Variants in QTMAN observed in about 807,000 individuals in gnomAD.
QTMAN encodes the protein tRNA-queuosine alpha-mannosyltransferase.
chr2:143,982,204 C>T, the QTMAN span, among the ~76,000 whole-genome samples: 5 of 151,768 alleles, frequency 3.3e-5, no homozygotes, highest in African/African-American at 4.8e-5. Context: ...TAGTGAGTAT[C>T]GAACAATTTC....
the QTMAN span, among the ~76,000 whole-genome samples, chr2:144,315,545 G>A: frequency 6.6e-6 from 1 of 152,144 alleles, no homozygotes; most frequent in Admixed American, 6.5e-5. Context: ...TATTTTCTCT[G>A]TCTCCTGGCA....
chr2:144,051,733 T>A, the QTMAN span, among the ~76,000 whole-genome samples: 1 of 152,112 alleles, frequency 6.6e-6, no homozygotes, highest in Non-Finnish European at 1.5e-5. Context: ...TAGAAAGCAC[T>A]GTGAGCTGAA....
the QTMAN span, among the ~76,000 whole-genome samples, chr2:144,259,176 T>C: frequency 4.6e-5 from 7 of 152,212 alleles, no homozygotes; most frequent in Non-Finnish European, 1.0e-4. Flanking sequence ...TATTTTGTTT[T>C]GAGACAGAGT....
the QTMAN span, among the ~76,000 whole-genome samples, chr2:144,066,697 T>C: frequency 6.6e-6 from 1 of 152,210 alleles, no homozygotes; most frequent in East Asian, 1.9e-4. Context: ...ATGCCTGTAA[T>C]TCCAGCTACT....
the QTMAN span, among the ~76,000 whole-genome samples, chr2:144,312,055 C>A: frequency 6.6e-6 from 1 of 152,156 alleles, no homozygotes; most frequent in Non-Finnish European, 1.5e-5. Context: ...TCTCTCAAAA[C>A]CCCAGATAAA....
At chr2:144,103,756 G>C in the QTMAN span, among the ~76,000 whole-genome samples, 1 of 152,158 alleles carries the variant, frequency 6.6e-6, no homozygotes, top group Non-Finnish European at 1.5e-5. Flanking sequence ...TTTTGTCACT[G>C]TCCAAAAATT....
At chr2:144,183,724 G>A in the QTMAN span, among the ~76,000 whole-genome samples, 2 of 151,988 alleles carry the variant, frequency 1.3e-5, no homozygotes, top group African/African-American at 4.8e-5. Context: ...ACATTACATG[G>A]CCAGATTTGT....
the QTMAN span, among the ~76,000 whole-genome samples, chr2:143,954,905 A>G: frequency 6.6e-6 from 1 of 152,182 alleles, no homozygotes; most frequent in Admixed American, 6.5e-5. Flanking sequence ...TTAACAAATC[A>G]TCTGCCAAAT....
the QTMAN span, among the ~76,000 whole-genome samples, chr2:144,103,171 C>G: frequency 6.6e-6 from 1 of 152,202 alleles, no homozygotes; most frequent in African/African-American, 2.4e-5. Flanking sequence ...CTTACTAACA[C>G]ATTTTTGATA....
chr2:144,129,086 T>A, the QTMAN span, among the ~76,000 whole-genome samples: 1 of 151,780 alleles, frequency 6.6e-6, no homozygotes, highest in Non-Finnish European at 1.5e-5. Flanking sequence ...AATATGCACT[T>A]AAGGATTCCG....
At chr2:144,279,106 A>T in the QTMAN span, among the ~76,000 whole-genome samples, 1 of 152,128 alleles carries the variant, frequency 6.6e-6, no homozygotes, top group African/African-American at 2.4e-5. Context: ...GTGGGTGAGG[A>T]TCACACCTTA....
At chr2:144,096,782 T>C in the QTMAN span, among the ~76,000 whole-genome samples, 1 of 152,146 alleles carries the variant, frequency 6.6e-6, no homozygotes, top group Non-Finnish European at 1.5e-5. Flanking sequence ...TGTCAGAGAG[T>C]GACTGCGCAT....
the QTMAN span, among the ~76,000 whole-genome samples, chr2:143,996,809 C>T: frequency 6.6e-6 from 1 of 151,948 alleles, no homozygotes; most frequent in African/African-American, 2.4e-5. Flanking sequence ...ATACACCGAA[C>T]CACTAATCAG....
At chr2:144,255,440 T>C in the QTMAN span, among the ~76,000 whole-genome samples, 1 of 152,192 alleles carries the variant, frequency 6.6e-6, no homozygotes, top group East Asian at 1.9e-4. Flanking sequence ...GTTTCCGCCA[T>C]GGTTGTTTTC....
the QTMAN span, among the ~76,000 whole-genome samples, chr2:144,175,391 A>C: frequency 6.6e-6 from 1 of 152,038 alleles, no homozygotes; most frequent in African/African-American, 2.4e-5. Context: ...AAAGTCTGCC[A>C]AAAAAAATTT....
chr2:144,284,927 G>A, the QTMAN span, among the ~76,000 whole-genome samples: 1,249 of 149,476 alleles, frequency 8.4e-3, 15 homozygotes, highest in African/African-American at 0.03. Flanking sequence ...ACTTTGGGAG[G>A]CCAAACTTTT....
At chr2:143,971,022 T>G in the QTMAN span, among the ~76,000 whole-genome samples, 7 of 152,196 alleles carry the variant, frequency 4.6e-5, no homozygotes, top group Non-Finnish European at 1.0e-4. Context: ...CAAATCTGTC[T>G]TTTCACATCT....
chr2:144,111,592 TCAGA>T, the QTMAN span, among the ~76,000 whole-genome samples: 31 of 152,276 alleles, frequency 2.0e-4, no homozygotes, highest in African/African-American at 3.9e-4. Flanking sequence ...CTGTCCAGCT[TCAGA>T]CAGAGTGCCT....
the QTMAN span, among the ~76,000 whole-genome samples, chr2:144,122,921 A>G: frequency 1.3e-5 from 2 of 152,080 alleles, no homozygotes; most frequent in Non-Finnish European, 2.9e-5. Context: ...AACTGCCTCA[A>G]AGTACCCAAA....
Sources: gnomAD v4.1 joint callset for allele counts (sites outside exome capture counted in the v4.1 genomes callset) on GRCh38, gnomAD v4.1.1 for gene constraint, MANE v1.5 for transcripts, NCBI Gene and HGNC (gene_info 2026-07-23, HGNC 2026-07-21) for gene names.